TRIM26: variants seen among roughly 807,000 people sequenced by gnomAD.
The protein encoded by TRIM26 is tripartite motif-containing protein 26.
TRIM26 carries 16 observed loss-of-function variants against 45.5 expected under a neutral mutation model. The observed-to-expected ratio is 0.35, with a 90% CI of 0.24 to 0.53. The LOEUF is 0.53. Ranked by LOEUF, TRIM26 falls within the 20% of genes least tolerant of loss-of-function variation. The pLI, the probability that TRIM26 is intolerant of heterozygous loss-of-function variation, is 0.92. For synonymous variants in TRIM26, 273 were observed against 290.4 expected, an observed-to-expected ratio of 0.94 and a Z score of 0.61; for missense variants, 442 against 691.1, an observed-to-expected ratio of 0.64 and a Z score of 4.04.
chr6:30,189,094 A>G lies in TRIM26; in HGVS notation c.937+73T>C. 2 of 1,519,108 alleles carry G rather than the reference A, an allele frequency of 1.3e-6. No homozygotes were observed. Among genetic ancestry groups the G allele is most frequent in the Non-Finnish European group, 1.8e-6 (2 of 1,120,210 alleles). The allele number at this position is 1,519,108 out of a possible 1,614,324, so 94.1% of individuals were successfully genotyped here. The stretch of plus-strand genomic sequence containing the variant: ...AAAGGGGCTACCTGGGGGAAAAGTG[A>G]GCAGTCAGAATCTCTGCAGGCGGAG... On this transcript the variant is annotated intron_variant, in intron 9 of 9. Transcript: ENST00000454678. This position sits in a 1 kb window ranked among gnomAD's most constrained non-coding sequence, Gnocchi z 5.0.
At position 30,190,312 on chromosome 6, in the gene TRIM26, C is replaced by T; in HGVS notation, c.766-277G>A. On this transcript the variant is annotated intron_variant, in intron 6 of 9. Coordinates refer to ENST00000454678, the MANE Select transcript of TRIM26 (RefSeq NM_003449.5). The surrounding 1 kb of genome is among the most constrained non-coding windows in gnomAD (Gnocchi z 4.3). ...AGAATTGACGGATAAGAAGTACTGG[C>T]CGGATGAAGAGAGGTAAGGTAAAAC... is the stretch of plus-strand genomic sequence containing the variant. 1.8e-6 allele frequency: 1 copy of T among 551,942 alleles called. No homozygotes were observed. Among genetic ancestry groups the T allele is most frequent in the Non-Finnish European group, 3.2e-6 (1 of 308,176 alleles). The allele number at this position is 551,942 out of a possible 1,614,324, so 34.2% of individuals were successfully genotyped here. A position where few individuals can be genotyped will look rare whatever the true frequency, so the allele number is the denominator to read the frequency against.
chr6:30,200,979 C>A (rs1562221160), intron 3 of TRIM26, 56 bp downstream of exon 3: 5 of 152,190 alleles, frequency 3.3e-5, no homozygotes. Context: ...GTGAGCAGAA[C>A]CAGCCACAGT....
rs1425796149 is a variant in TRIM26, at chr6:30,209,093, G to A, written c.-376+4212C>T. Among the ~76,000 whole-genome samples the A allele has an allele frequency of 6.6e-6, 1 of 152,098 alleles. No individual in the cohort carries two copies. The highest frequency in any genetic ancestry group is 6.5e-5 in the Admixed American group (1 of 15,272). ...TATCTTTGGGGAGAGAAGGGGAAGG[G>A]CCCACCCAGCTTCTGTTCTTCTTTC... On this transcript the variant is annotated intron_variant, in intron 1 of 9. Transcript: ENST00000454678. This position sits in a 1 kb window ranked among gnomAD's most constrained non-coding sequence, Gnocchi z 4.8.
chr6:30,192,367 G>C (rs1229474670), intron 6 of TRIM26, among the ~76,000 whole-genome samples: 1 of 152,132 alleles, frequency 6.6e-6, no homozygotes, highest in African/African-American at 2.4e-5. Context: ...GCCTGCCCGG[G>C]TTACCAGGGC....
intron 6 of TRIM26, among the ~76,000 whole-genome samples, chr6:30,192,487 G>C (rs1190955425): frequency 1.3e-5 from 2 of 150,654 alleles, no homozygotes. Context: ...TCTATCAAAA[G>C]GTCTCTTCTA....
rs750023813 is a variant in TRIM26 at position 30,198,944 on chromosome 6, G to C, written c.160C>G (p.Pro54Ala). Reference sequence around the variant, plus strand: ...TTCTTAAAAGGCTTCTTGCAGAGTGGGCAGACGGGGCGGCTCCCTGAGATG... The same window carrying C: ...TTCTTAAAAGGCTTCTTGCAGAGTGCGCAGACGGGGCGGCTCCCTGAGATG... ...RPISGSRPVC[P>A]LCKKPFKKEN... Residue 54 changes from proline (P) to alanine (A), a missense_variant, in exon 4 of 10, where the codon CCA becomes GCA. Transcript: ENST00000454678. This position sits in a 1 kb window ranked among gnomAD's most constrained non-coding sequence, Gnocchi z 6.3. 1.9e-6 allele frequency: 3 copies of C among 1,612,880 alleles called. No individual in the cohort carries two copies. Among genetic ancestry groups the C allele is most frequent in the Non-Finnish European group, 2.5e-6 (3 of 1,179,934 alleles).
At position 30,190,352 on chromosome 6, in the gene TRIM26, T is replaced by A; in HGVS notation, c.766-317A>T. On this transcript the variant is annotated intron_variant, in intron 6 of 9. Transcript: ENST00000454678. The surrounding 1 kb of genome is among the most constrained non-coding windows in gnomAD (Gnocchi z 4.3). ...TAAGGTAAAACAGGAAAGGGCTTGG[T>A]GAGAACGGCAGAGGCCAGACTGCGC... is the stretch of plus-strand genomic sequence containing the variant. 2.1e-6 allele frequency: 1 copy of A among 477,472 alleles called. No homozygotes were observed. Among genetic ancestry groups the A allele is most frequent in the Non-Finnish European group, 3.8e-6 (1 of 260,806 alleles). The allele number at this position is 477,472 out of a possible 1,614,324, so 29.6% of individuals were successfully genotyped here.
Position 30,190,217 on chromosome 6 carries a change from C to T in TRIM26, c.766-182G>A, listed in dbSNP as rs560544756. The T allele has an allele frequency of 4.5e-6, 3 of 663,008 alleles. No individual in the cohort carries two copies. Among genetic ancestry groups the T allele is most frequent in the Non-Finnish European group, 5.2e-6 (2 of 384,310 alleles). 41.1% of individuals were successfully genotyped at this position (663,008 alleles called of 1,614,324 possible). ...AAAACAACAAGAAAACAAACAAAATCGGCACAATGACAGAAGCCACAATGG... is the reference window on the plus strand; with the variant it reads ...AAAACAACAAGAAAACAAACAAAATTGGCACAATGACAGAAGCCACAATGG... On this transcript the variant is annotated intron_variant, in intron 6 of 9. Coordinates refer to ENST00000454678, the MANE Select transcript of TRIM26 (RefSeq NM_003449.5). The surrounding 1 kb of genome is among the most constrained non-coding windows in gnomAD (Gnocchi z 4.3).
chr6:30,202,564 G>A lies in TRIM26; in HGVS notation c.-265-1426C>T, dbSNP rs112753866. On this transcript the variant is annotated intron_variant, in intron 2 of 9. Coordinates refer to ENST00000454678, the MANE Select transcript of TRIM26 (RefSeq NM_003449.5). ...ACCAAATCCAGCGTCATCAGCAGAC[G>A]GGGCAAAGTGGCATGTGCTTTCTGG... Among the ~76,000 whole-genome samples, 679 of 152,306 alleles carry A rather than the reference G, an allele frequency of 4.5e-3. 2 individuals carry two copies. Among genetic ancestry groups the A allele is most frequent in the African/African-American group, 0.012 (478 of 41,564 alleles).
At position 30,189,315 on chromosome 6, in the gene TRIM26, G is replaced by A; in HGVS notation, c.904+103C>T. 1 of 1,562,238 alleles carries A rather than the reference G, an allele frequency of 6.4e-7. No individual in the cohort carries two copies. Among genetic ancestry groups the A allele is most frequent in the Non-Finnish European group, 8.8e-7 (1 of 1,134,038 alleles). ...CCATGTCTAAGACAAGAGGCCCTCA[G>A]AAGAGTGAGGATCGACAAGGTGATG... On this transcript the variant is annotated intron_variant, in intron 8 of 9. Coordinates refer to ENST00000454678, the MANE Select transcript of TRIM26 (RefSeq NM_003449.5). This position sits in a 1 kb window ranked among gnomAD's most constrained non-coding sequence, Gnocchi z 5.0.
rs1019479885 is a variant in TRIM26 at position 30,204,756 on chromosome 6, T to C, written c.-366A>G. On this transcript the variant is annotated 5_prime_UTR_variant, in exon 2 of 10. The change abolishes an upstream ATG in the 5' untranslated region. Coordinates refer to ENST00000454678, the MANE Select transcript of TRIM26 (RefSeq NM_003449.5). ...GGTAAAACCATTACCCTTCTCTCCA[T>C]TCCTGACTCCTGGGCAGACAGAAAC... 2.0e-5 allele frequency: 3 copies of C among 151,850 alleles called. No individual in the cohort carries two copies. The highest frequency in any genetic ancestry group is 2.4e-5 in the African/African-American group (1 of 41,222). The allele number at this position is 151,850 out of a possible 1,614,324, so 9.4% of individuals were successfully genotyped here.
At chr6:30,201,941 T>C (rs531354698) in intron 2 of TRIM26, among the ~76,000 whole-genome samples, 12 of 152,242 alleles carry the variant, frequency 7.9e-5, no homozygotes, top group South Asian at 4.2e-4. Context: ...AGTTTTTCAG[T>C]TGTAACATAC....
At chr6:30,211,220 A>C (rs1446883839) in intron 1 of TRIM26, among the ~76,000 whole-genome samples, 1 of 151,996 alleles carries the variant, frequency 6.6e-6, no homozygotes, top group Non-Finnish European at 1.5e-5. Context: ...TTTAGATTAG[A>C]CATTCTTGCC....
rs1254181476 is a variant in TRIM26, at chr6:30,189,387, TCCCACCCTTTGTGCGCTCC to T, written c.904+12_904+30del. ...TTCTACGAGGTAGCCCTGCTCTGAC[TCCCACCCTTTGTGCGCTCC>T]CCAACCCTTACCCTGGAATTCCCTC... On this transcript the variant is annotated intron_variant, in intron 8 of 9. Coordinates refer to ENST00000454678, the MANE Select transcript of TRIM26 (RefSeq NM_003449.5). This position sits in a 1 kb window ranked among gnomAD's most constrained non-coding sequence, Gnocchi z 5.0. The T allele has an allele frequency of 1.2e-6, 2 of 1,608,060 alleles. No homozygotes were observed. Among genetic ancestry groups the T allele is most frequent in the Non-Finnish European group, 1.7e-6 (2 of 1,175,636 alleles).
Position 30,186,763 on chromosome 6 carries a change from G to T in TRIM26, c.938-205C>A. The T allele has an allele frequency of 9.8e-7, 1 of 1,017,522 alleles. No individual in the cohort carries two copies. The allele number at this position is 1,017,522 out of a possible 1,614,324, so 63.0% of individuals were successfully genotyped here. ...TCTGCTAAATCACCATAACTAAACT[G>T]CTTTATAAACATGATATACTGAAAT... On this transcript the variant is annotated intron_variant, in intron 9 of 9. Coordinates refer to ENST00000454678, the MANE Select transcript of TRIM26 (RefSeq NM_003449.5). This position sits in a 1 kb window ranked among gnomAD's most constrained non-coding sequence, Gnocchi z 7.4.
intron 9 of TRIM26, among the ~76,000 whole-genome samples, chr6:30,188,888 C>T (rs1775501800): frequency 6.6e-6 from 1 of 152,016 alleles, no homozygotes; most frequent in South Asian, 2.1e-4. Context: ...AAAGCTCGGC[C>T]ACAGGAAAAG....
At chr6:30,210,716 C>T (rs1380810896) in intron 1 of TRIM26, among the ~76,000 whole-genome samples, 1 of 124,976 alleles carries the variant, frequency 8.0e-6, no homozygotes, top group Admixed American at 8.1e-5. Flanking sequence ...ACAATAATAA[C>T]ACAACAGAAT....
rs151220175 is a variant in TRIM26, at chr6:30,198,807, T to C, written c.297A>G (p.Ala99=). ...PGEVTREQQD[A]KLCERHREKL... Reference sequence around the variant, plus strand: ...TCTCTCGGTGTCGCTCGCACAACTTTGCATCCTGCTGCTCCCGGGTCACCT... The same window carrying C: ...TCTCTCGGTGTCGCTCGCACAACTTCGCATCCTGCTGCTCCCGGGTCACCT... The change falls in exon 4 of 10, where the codon GCA becomes GCG. Residue 99 remains alanine, a synonymous_variant. Coordinates refer to ENST00000454678, the MANE Select transcript of TRIM26 (RefSeq NM_003449.5). The surrounding 1 kb of genome is among the most constrained non-coding windows in gnomAD (Gnocchi z 6.3). 3,319 of 1,577,276 alleles carry C rather than the reference T, an allele frequency of 2.1e-3. 13 individuals are homozygous for C. Among genetic ancestry groups the C allele is most frequent in the African/African-American group, 0.013 (896 of 67,330 alleles).
Position 30,207,945 on chromosome 6 carries a change from C to T in TRIM26, c.-375-3180G>A, listed in dbSNP as rs116704294. 0.015 allele frequency among the ~76,000 whole-genome samples: 2,234 copies of T among 152,226 alleles called. 30 individuals are homozygous for T. Among genetic ancestry groups the T allele is most frequent in the Non-Finnish European group, 0.025 (1,674 of 68,012 alleles). On this transcript the variant is annotated intron_variant, in intron 1 of 9. Coordinates refer to ENST00000454678, the MANE Select transcript of TRIM26 (RefSeq NM_003449.5). The surrounding 1 kb of genome is among the most constrained non-coding windows in gnomAD (Gnocchi z 4.9). ...TCCACATGTAGTCTAGTTATACAGCCCCAAAACACCCCATGCTGCACCCTG... is the reference window on the plus strand; with the variant it reads ...TCCACATGTAGTCTAGTTATACAGCTCCAAAACACCCCATGCTGCACCCTG...
Sources: gnomAD v4.1 joint callset for allele counts (sites outside exome capture counted in the v4.1 genomes callset) on GRCh38, gnomAD v4.1.1 for gene constraint, Gnocchi (gnomAD v3.1) non-coding constraint, MANE v1.5 for transcripts, NCBI Gene and HGNC (gene_info 2026-07-23, HGNC 2026-07-21) for gene names.